The following PHF24 variants were observed in gnomAD, a reference collection of about 807,000 sequenced individuals.
PHF24 encodes Galpha inhibitory interacting protein.
A neutral mutation model predicts 42.6 loss-of-function variants in PHF24; 25 were observed. The ratio of observed to expected loss-of-function variants is 0.59; its 90% CI spans 0.43 to 0.82. The LOEUF (loss-of-function observed/expected upper bound fraction) is 0.82, where lower values mean the gene tolerates loss of function less well. Among genes scored for constraint, PHF24 ranks in the 40% least tolerant of loss-of-function variants. PHF24 has a pLI of 0.00. For missense variants in PHF24, 470 were observed against 538.1 expected, an observed-to-expected ratio of 0.87 and a Z score of 1.25; for synonymous variants, 185 against 204.8, an observed-to-expected ratio of 0.90 and a Z score of 0.83.
At chr9:34,722,323 T>C in the PHF24 span, among the ~76,000 whole-genome samples, 1 of 152,202 alleles carries the variant, frequency 6.6e-6, no homozygotes, top group Non-Finnish European at 1.5e-5. Flanking sequence ...ACCATTGTTT[T>C]TGTCCTAAAT....
chr9:34,865,588 T>A, the PHF24 span, among the ~76,000 whole-genome samples: 2 of 120,006 alleles, frequency 1.7e-5, no homozygotes, highest in African/African-American at 6.7e-5. Flanking sequence ...AAAATAAAAA[T>A]AATAAAAAAA....
the PHF24 span, among the ~76,000 whole-genome samples, chr9:34,701,350 C>T: frequency 6.6e-6 from 1 of 152,156 alleles, no homozygotes; most frequent in South Asian, 2.1e-4. This position sits in a 1 kb window ranked among gnomAD's most constrained non-coding sequence, Gnocchi z 5.8. Flanking sequence ...ATGTGCGTAT[C>T]CCGAACTGTG....
chr9:34,966,800 C>G (rs987476255), intron 1 of PHF24, among the ~76,000 whole-genome samples: 1 of 152,136 alleles, frequency 6.6e-6, no homozygotes, highest in Non-Finnish European at 1.5e-5. Flanking sequence ...CTCCTGGTCT[C>G]AAGCAATCCT....
intron 1 of PHF24, among the ~76,000 whole-genome samples, chr9:34,962,021 T>G (rs144794908): frequency 6.6e-6 from 1 of 152,118 alleles, no homozygotes; most frequent in African/African-American, 2.4e-5. Context: ...CTACGAGCTC[T>G]TAGGTTGCGA....
chr9:34,683,165 A>G, the PHF24 span, among the ~76,000 whole-genome samples: 1 of 151,544 alleles, frequency 6.6e-6, no homozygotes, highest in Non-Finnish European at 1.5e-5. Context: ...GGTTCAAGAG[A>G]TTCTCCTGCC....
the PHF24 span, among the ~76,000 whole-genome samples, chr9:34,916,229 C>T: frequency 6.6e-6 from 1 of 152,144 alleles, no homozygotes; most frequent in Admixed American, 6.5e-5. Flanking sequence ...GGAGCAAAAT[C>T]TATCATGAAT....
chr9:34,936,470 C>T, the PHF24 span, among the ~76,000 whole-genome samples: 3 of 152,048 alleles, frequency 2.0e-5, no homozygotes, highest in Non-Finnish European at 4.4e-5. Context: ...GCCGAGATTG[C>T]AGCCTCTGCC....
chr9:34,840,210 A>C, the PHF24 span, among the ~76,000 whole-genome samples: 1 of 152,118 alleles, frequency 6.6e-6, no homozygotes, highest in South Asian at 2.1e-4. Flanking sequence ...TAAACTTCAA[A>C]AGGTAGAAGA....
chr9:34,732,221 A>C, the PHF24 span, among the ~76,000 whole-genome samples: 9 of 151,970 alleles, frequency 5.9e-5, no homozygotes, highest in Non-Finnish European at 1.2e-4. Flanking sequence ...TCCCACCATC[A>C]GTGTACAAGG....
chr9:34,666,552 A>ATTTTTTTTTT, the PHF24 span, among the ~76,000 whole-genome samples: 1 of 132,610 alleles, frequency 7.5e-6, no homozygotes, highest in Non-Finnish European at 1.6e-5. Context: ...TCTTCTTGTG[A>ATTTTTTTTTT]TTTTTTTTTT....
exon 2 of PHF24, chr9:34,971,513 G>C (rs1436079221): frequency 6.2e-7 from 1 of 1,614,106 alleles, no homozygotes. Flanking sequence ...CAGGAAGAGA[G>C]TAGTGCCGGC....
chr9:34,870,290 A>G, the PHF24 span, among the ~76,000 whole-genome samples: 1 of 152,114 alleles, frequency 6.6e-6, no homozygotes, highest in Non-Finnish European at 1.5e-5. Flanking sequence ...TTTGATAAGT[A>G]TATAATGGAT....
At chr9:34,891,005 T>TGGATTCGTGAGTGATTGC in the PHF24 span, among the ~76,000 whole-genome samples, 341 of 152,258 alleles carry the variant, frequency 2.2e-3, 1 homozygote, top group African/African-American at 7.4e-3. Context: ...TCTGTGATTG[T>TGGATTCGTGAGTGATTGC]GGATTCGTGA....
chr9:34,709,944 T>C, the PHF24 span: 1 of 1,613,986 alleles, frequency 6.2e-7, no homozygotes, highest in Non-Finnish European at 8.5e-7. Flanking sequence ...GGCAAGCTCC[T>C]ATCCAGGCCT....
the PHF24 span, among the ~76,000 whole-genome samples, chr9:34,762,995 A>G: frequency 6.6e-6 from 1 of 152,166 alleles, no homozygotes; most frequent in Admixed American, 6.5e-5. Flanking sequence ...TTTGTCAAAG[A>G]TCAGATAGTT....
chr9:34,680,330 G>C, the PHF24 span, among the ~76,000 whole-genome samples: 8 of 148,896 alleles, frequency 5.4e-5, no homozygotes, highest in South Asian at 2.2e-4. Flanking sequence ...AGCCGAGATC[G>C]CACCACTGCA....
the PHF24 span, among the ~76,000 whole-genome samples, chr9:34,773,059 C>T: frequency 6.0e-5 from 9 of 150,912 alleles, no homozygotes; most frequent in Non-Finnish European, 7.4e-5. Context: ...GGCGCGATCT[C>T]GGCTCACCGC....
chr9:34,750,418 A>G, the PHF24 span, among the ~76,000 whole-genome samples: 1 of 151,916 alleles, frequency 6.6e-6, no homozygotes, highest in African/African-American at 2.4e-5. Context: ...TGAACCCAGG[A>G]GGCAGAGGTT....
At chr9:34,705,701 G>A in the PHF24 span, among the ~76,000 whole-genome samples, 12 of 152,252 alleles carry the variant, frequency 7.9e-5, no homozygotes, top group Admixed American at 6.5e-4. Context: ...CCTGAACTCC[G>A]ATTTGTTTTT....
Sources: gnomAD v4.1 joint callset for allele counts (sites outside exome capture counted in the v4.1 genomes callset) on GRCh38, gnomAD v4.1.1 for gene constraint, Gnocchi (gnomAD v3.1) non-coding constraint, MANE v1.5 for transcripts, NCBI Gene and HGNC (gene_info 2026-07-23, HGNC 2026-07-21) for gene names.